ACSL6: variants seen among roughly 807,000 people sequenced by gnomAD.
ACSL6 encodes long-chain-fatty-acid--CoA ligase 6.
Under a neutral mutation model 98.2 loss-of-function variants are expected in ACSL6, and 47 were observed. That is an observed-to-expected ratio of 0.48 (90% CI 0.38 to 0.61). ACSL6 has a LOEUF of 0.61. Ranked by LOEUF, ACSL6 falls within the 20% of genes least tolerant of loss-of-function variation. The pLI is 0.00. For synonymous variants in ACSL6, 362 were observed against 336.9 expected (o/e 1.07, Z -0.82); for missense variants, 761 against 913.4 (o/e 0.83, Z 2.15).
At chr5:131,991,779 TG>T (rs1308737978) in intron 2 of ACSL6, among the ~76,000 whole-genome samples, 7 of 151,678 alleles carry the variant, frequency 4.6e-5, no homozygotes, top group African/African-American at 1.7e-4. Context: ...TACCCTGGGC[TG>T]GGCCAGAGCC....
intron 10 of ACSL6, chr5:131,975,302 C>T: frequency 2.0e-6 from 2 of 985,384 alleles, no homozygotes; most frequent in Non-Finnish European, 2.4e-6. Flanking sequence ...AGAGTGGGCT[C>T]CGCAGGGAAG....
intron 7 of ACSL6, among the ~76,000 whole-genome samples, chr5:131,987,560 T>C (rs1754265838): frequency 6.6e-6 from 1 of 152,162 alleles, no homozygotes; most frequent in Non-Finnish European, 1.5e-5. Context: ...GGCCAGGATG[T>C]CCTGTGTCAC....
At chr5:131,969,940 C>T (rs1039078363) in intron 15 of ACSL6, among the ~76,000 whole-genome samples, 188 bp downstream of exon 15, 2 of 152,128 alleles carry the variant, frequency 1.3e-5, no homozygotes, top group African/African-American at 4.8e-5. Flanking sequence ...AAGGGAAAAA[C>T]CTCAACAGTG....
intron 20 of ACSL6, among the ~76,000 whole-genome samples, chr5:131,958,306 A>G (rs1160416646): frequency 6.6e-6 from 1 of 152,168 alleles, no homozygotes; most frequent in African/African-American, 2.4e-5. Flanking sequence ...GTAGGCCCAG[A>G]CCAGCCAGGC....
rs1475943776 is a variant in ACSL6, at chr5:131,962,557, T to C, written c.1835A>G (p.Tyr612Cys). Reference protein sequence around the residue: ...YIRSQPVAQIYVHGDSLKAFL... With the variant: ...YIRSQPVAQICVHGDSLKAFL... ...CACCTTTAAGCTGTCCCCATGGACA[T>C]AGATTTGCGCCACAGGTTGGCTCCG... The change falls in exon 18 of 21, where the codon TAT becomes TGT. Residue 612 changes from tyrosine (Y) to cysteine (C), a missense_variant. Tyr to Cys is a radical substitution (Grantham distance 194). Coordinates refer to ENST00000651883, the MANE Select transcript of ACSL6 (RefSeq NM_001009185.3). 4 of 1,614,072 alleles carry C rather than the reference T, an allele frequency of 2.5e-6. No individual in the cohort carries two copies. The highest frequency in any genetic ancestry group is 3.3e-5 in the Admixed American group (2 of 60,024).
At chr5:132,011,807 TG>T, upstream of ACSL6, 1 of 1,427,104 alleles carries the variant, frequency 7.0e-7, no homozygotes, top group Non-Finnish European at 9.2e-7. This position sits in a 1 kb window ranked among gnomAD's most constrained non-coding sequence, Gnocchi z 5.4. Context: ...GTCTGGGGCT[TG>T]CCCCGCACTG....
At chr5:131,974,702 C>T (rs1230949927) in intron 11 of ACSL6, 191 bp downstream of exon 11, 4 of 1,559,858 alleles carry the variant, frequency 2.6e-6, no homozygotes, top group Admixed American at 3.8e-5. Context: ...AAGTGACACC[C>T]GCTAGGGTTA....
chr5:131,954,224 T>A lies in ACSL6; in HGVS notation c.*10A>T. On this transcript the variant is annotated 3_prime_UTR_variant, in exon 21 of 21. Coordinates refer to ENST00000651883, the MANE Select transcript of ACSL6 (RefSeq NM_001009185.3). ...CAGTTCATTACACTGAGAAGAACTT[T>A]CCTTGAACTTCACATGGAGATTGAG... The A allele has an allele frequency of 6.2e-7, 1 of 1,608,582 alleles. No homozygotes were observed. The highest frequency in any genetic ancestry group is 8.5e-7 in the Non-Finnish European group (1 of 1,178,320).
chr5:131,959,715 G>T (rs2149686547), intron 19 of ACSL6, 108 bp from the exon 20 acceptor site: 3 of 1,059,104 alleles, frequency 2.8e-6, no homozygotes, highest in African/African-American at 1.6e-5. Flanking sequence ...GTGCCAACAT[G>T]TGCTAACCCA....
intron 11 of ACSL6, 49 bp from the exon 12 acceptor site, chr5:131,973,449 TG>T: frequency 6.3e-7 from 1 of 1,595,690 alleles, no homozygotes; most frequent in Non-Finnish European, 8.5e-7. Context: ...TGGTCACTAC[TG>T]GCGATAGTCC....
At chr5:131,998,132 C>T (rs911433790) in intron 1 of ACSL6, among the ~76,000 whole-genome samples, 1 of 152,176 alleles carries the variant, frequency 6.6e-6, no homozygotes, top group African/African-American at 2.4e-5. Flanking sequence ...ATACTGCCTC[C>T]TTCCATACCC....
intron 3 of ACSL6, 22 bp from the exon 4 acceptor site, chr5:131,990,186 T>C: frequency 6.2e-7 from 1 of 1,613,532 alleles, no homozygotes; most frequent in Non-Finnish European, 8.5e-7. Flanking sequence ...TAAGAAAGCC[T>C]TGTGTCAGAG....
At chr5:131,992,453 G>A (rs1206091112) in intron 2 of ACSL6, among the ~76,000 whole-genome samples, 1 of 152,128 alleles carries the variant, frequency 6.6e-6, no homozygotes, top group African/African-American at 2.4e-5. Flanking sequence ...GCCTACTCCG[G>A]TGCAGCCACT....
At position 131,967,668 on chromosome 5, in the gene ACSL6, TTAATAA is replaced by T. The variant is rs3043871; in HGVS notation, c.1596+266_1596+271del. On this transcript the variant is annotated intron_variant, in intron 16 of 20. Transcript: ENST00000651883. ...AGACAGAGCGAGACTCCGTCTCAAA[TTAATAA>T]TAATAATAATAATAATAATAATAAT... Among the ~76,000 whole-genome samples the T allele has an allele frequency of 3.8e-3, 553 of 144,128 alleles. 6 individuals carry two copies. The highest frequency in any genetic ancestry group is 0.034 in the East Asian group (170 of 4,952). 94.6% of individuals were successfully genotyped at this position (144,128 alleles called of 152,430 possible).
In ACSL6 at chr5:131,974,981, C is replaced by T. The variant is rs769520675; in HGVS notation, c.991-11G>A. On this transcript the variant is annotated splice_polypyrimidine_tract_variant and intron_variant, in intron 10 of 20. Transcript: ENST00000651883. ...CGGAAAGATCACTTTCTGCAGGCGACGGGCATGGGAGACAGAAAGGAAAGA... is the reference window on the plus strand; with the variant it reads ...CGGAAAGATCACTTTCTGCAGGCGATGGGCATGGGAGACAGAAAGGAAAGA... The T allele has an allele frequency of 2.0e-5, 32 of 1,612,640 alleles. No individual in the cohort carries two copies. The highest frequency in any genetic ancestry group is 8.0e-5 in the African/African-American group (6 of 74,756).
intron 1 of ACSL6, among the ~76,000 whole-genome samples, chr5:132,010,745 C>G (rs1019573287): frequency 9.2e-5 from 14 of 152,108 alleles, no homozygotes; most frequent in African/African-American, 2.7e-4. Flanking sequence ...ACCCCAGGCT[C>G]AGAGAGGGGA....
At chr5:131,999,790 C>A (rs886235710) in intron 1 of ACSL6, among the ~76,000 whole-genome samples, 2 of 152,330 alleles carry the variant, frequency 1.3e-5, no homozygotes, top group East Asian at 3.9e-4. Context: ...CAGAGCCAAG[C>A]AACCCAGCCT....
At chr5:131,956,241 A>T (rs1752397066) in intron 20 of ACSL6, among the ~76,000 whole-genome samples, 1 of 152,226 alleles carries the variant, frequency 6.6e-6, no homozygotes. Flanking sequence ...AATGTCATTT[A>T]TATGGTTAAG....
chr5:131,979,351 A>C (rs1753781228), intron 9 of ACSL6, among the ~76,000 whole-genome samples: 1 of 152,206 alleles, frequency 6.6e-6, no homozygotes, highest in South Asian at 2.1e-4. Context: ...TTGGATTTGC[A>C]AAGTTGGCTG....
Sources: allele counts gnomAD v4.1 joint callset (sites outside exome capture counted in the v4.1 genomes callset), GRCh38; gene constraint gnomAD v4.1.1; non-coding constraint Gnocchi (gnomAD v3.1); transcripts MANE v1.5; gene names NCBI Gene and HGNC (gene_info 2026-07-23, HGNC 2026-07-21).